USP54: variants seen among roughly 807,000 people sequenced by gnomAD.
USP54 encodes ubiquitin carboxyl-terminal hydrolase 54.
In USP54, 87 loss-of-function variants were observed where a neutral mutation model predicts 170.5. The observed-to-expected ratio is 0.51, with a 90% CI of 0.43 to 0.61. The LOEUF (loss-of-function observed/expected upper bound fraction) is 0.61, where lower values mean the gene tolerates loss of function less well. Ranked by LOEUF, USP54 falls within the 20% of genes least tolerant of loss-of-function variation. The pLI, the probability that USP54 is intolerant of heterozygous loss-of-function variation, is 0.00. For missense variants in USP54, 1,786 were observed against 2,047.8 expected (o/e 0.87, Z 2.47); for synonymous variants, 655 against 742.8 (o/e 0.88, Z 1.92).
chr10:73,557,548 C>T (rs1590361196), intron 4 of USP54, among the ~76,000 whole-genome samples: 1 of 149,510 alleles, frequency 6.7e-6, no homozygotes, highest in African/African-American at 2.5e-5. Context: ...TGCAGTGGCG[C>T]GATCTCAGCT....
intron 4 of USP54, among the ~76,000 whole-genome samples, 193 bp from the exon 5 acceptor site, chr10:73,545,865 T>C (rs979137957): frequency 1.3e-5 from 2 of 152,160 alleles, no homozygotes; most frequent in Non-Finnish European, 2.9e-5. Flanking sequence ...TCTGTGCTAA[T>C]AAAGATCCTC....
intron 5 of USP54, 150 bp from the exon 6 acceptor site, chr10:73,543,281 AT>A: frequency 1.6e-6 from 1 of 609,772 alleles, no homozygotes; most frequent in East Asian, 2.8e-5. Flanking sequence ...AAAATTATAA[AT>A]TCATAGCAAG....
At chr10:73,514,765 C>G (rs2060782431) in intron 20 of USP54, among the ~76,000 whole-genome samples, 1 of 152,042 alleles carries the variant, frequency 6.6e-6, no homozygotes, top group Admixed American at 6.6e-5. Flanking sequence ...TTAGGACAGG[C>G]ACGGTGGCTC....
At chr10:73,571,387 T>C (rs2075173045) in intron 4 of USP54, 34 bp downstream of exon 4, 1 of 1,582,168 alleles carries the variant, frequency 6.3e-7, no homozygotes, top group Non-Finnish European at 8.7e-7. Flanking sequence ...GGCCACCCAA[T>C]GGTAGTGAGA....
chr10:73,619,698 G>A lies in USP54; in HGVS notation c.-18+5869C>T, dbSNP rs775193081. On this transcript the variant is annotated intron_variant, in intron 1 of 22. Coordinates refer to the USP54 transcript ENST00000339859. ...TATTAAATGGCCCAGCAGTGCAACT[G>A]AAGACAAAAAAATTAAACAGTAATA... 3.3e-5 allele frequency among the ~76,000 whole-genome samples: 5 copies of A among 150,424 alleles called. 1 individual carries two copies. In the South Asian group the frequency reaches 1.0e-3, roughly 31 times the overall value.
At chr10:73,539,958 T>G (rs904538730) in intron 9 of USP54, among the ~76,000 whole-genome samples, 1 of 151,816 alleles carries the variant, frequency 6.6e-6, no homozygotes, top group East Asian at 1.9e-4. Flanking sequence ...AAACCCCATC[T>G]CTACTAAAAA....
intron 5 of USP54, among the ~76,000 whole-genome samples, chr10:73,544,734 G>C (rs2067379641): frequency 6.6e-6 from 1 of 150,972 alleles, no homozygotes; most frequent in South Asian, 2.1e-4. Flanking sequence ...TTTCTTTTGA[G>C]ACAGAGTCTC....
At chr10:73,611,488 AAAAT>A in intron 1 of USP54, 1 of 152,158 alleles carries the variant, frequency 6.6e-6, no homozygotes, top group Non-Finnish European at 1.5e-5. Context: ...AGATCTAGAA[AAAAT>A]AAATAAATAA....
chr10:73,614,474 C>A (rs2080440433), intron 1 of USP54, among the ~76,000 whole-genome samples: 1 of 146,794 alleles, frequency 6.8e-6, no homozygotes. Context: ...GGCAGAGAAT[C>A]GCTTGAACCC....
In USP54 at chr10:73,520,027, C is replaced by T. The variant is rs1184283286; in HGVS notation, c.2483-35G>A. 1.1e-5 allele frequency: 17 copies of T among 1,542,458 alleles called. No homozygotes were observed. In the Admixed American group the frequency reaches 1.4e-4, roughly 13 times the overall value. ...AAAAGAAAATATAGCAGAAACAGAACACAAAACACAAATAAAAATAAAAAG... is the reference window on the plus strand; with the variant it reads ...AAAAGAAAATATAGCAGAAACAGAATACAAAACACAAATAAAAATAAAAAG... On this transcript the variant is annotated intron_variant, in intron 18 of 23. Transcript: ENST00000687698.
At chr10:73,520,824 T>G (rs184596715) in intron 18 of USP54, 84 bp downstream of exon 18, 1 of 1,587,058 alleles carries the variant, frequency 6.3e-7, no homozygotes, top group Non-Finnish European at 8.6e-7. Flanking sequence ...AAACTGTTTT[T>G]ATCCTGTCTG....
upstream of USP54, among the ~76,000 whole-genome samples, chr10:73,594,553 T>C (rs2078567672): frequency 6.8e-6 from 1 of 146,770 alleles, no homozygotes; most frequent in African/African-American, 2.5e-5. Flanking sequence ...TACAGGTGTG[T>C]ACAACCAGAC....
At chr10:73,592,586 T>C (rs1269388623), upstream of USP54, among the ~76,000 whole-genome samples, 1 of 152,094 alleles carries the variant, frequency 6.6e-6, no homozygotes, top group African/African-American at 2.4e-5. Flanking sequence ...CATTTCAAAG[T>C]GTGAAACACA....
At chr10:73,557,325 ATT>A (rs772475380) in intron 4 of USP54, among the ~76,000 whole-genome samples, 4 of 145,344 alleles carry the variant, frequency 2.8e-5, no homozygotes, top group Non-Finnish European at 1.5e-5. Flanking sequence ...AACTTCTTCA[ATT>A]TTTTTTTTTT....
Position 73,534,604 on chromosome 10 carries a change from G to T in USP54, c.1311C>A (p.Asp437Glu), listed in dbSNP as rs1187929492. Reference protein sequence around the residue: ...ENDSMSQSSRDTGHLTDSECN... With the variant: ...ENDSMSQSSRETGHLTDSECN... ...ACCCTCTGTATAAGTCCCTACCTGT[G>T]TCCCGACTGCTCTGAGACATGGAAT... Residue 437 changes from aspartate to glutamate, a missense_variant, in exon 12 of 24, where the codon GAC becomes GAA. By Grantham distance (45) the Asp-to-Glu change is conservative. Coordinates refer to ENST00000687698, the MANE Select transcript of USP54 (RefSeq NM_001391956.1). The T allele has an allele frequency of 8.7e-6, 14 of 1,613,848 alleles. No homozygotes were observed. Among genetic ancestry groups the T allele is most frequent in the Non-Finnish European group, 1.2e-5 (14 of 1,179,830 alleles).
intron 4 of USP54, among the ~76,000 whole-genome samples, chr10:73,552,466 T>TACACACACAC (rs374761038): frequency 6.8e-6 from 1 of 146,560 alleles, no homozygotes; most frequent in Non-Finnish European, 1.5e-5. Flanking sequence ...ATTAAATGAG[T>TACACACACAC]ACACACACAC....
intron 20 of USP54, among the ~76,000 whole-genome samples, chr10:73,509,737 G>A (rs1018027956): frequency 1.3e-5 from 2 of 152,136 alleles, no homozygotes; most frequent in Admixed American, 6.5e-5. Flanking sequence ...GCTGGGCATC[G>A]TAGCTCATGC....
chr10:73,595,018 C>T (rs749332489), upstream of USP54, among the ~76,000 whole-genome samples: 6 of 151,512 alleles, frequency 4.0e-5, no homozygotes, highest in Non-Finnish European at 8.8e-5. Flanking sequence ...CTCTGCCTCC[C>T]GGGTTCAAGT....
At chr10:73,519,750 A>T in intron 19 of USP54, 47 bp downstream of exon 19, 1 of 1,610,726 alleles carries the variant, frequency 6.2e-7, no homozygotes, top group Non-Finnish European at 8.5e-7. Flanking sequence ...ACTCATGGTC[A>T]TTTCTTCCCC....
Sources: allele counts gnomAD v4.1 joint callset (sites outside exome capture counted in the v4.1 genomes callset), GRCh38; gene constraint gnomAD v4.1.1; transcripts MANE v1.5; gene names NCBI Gene and HGNC (gene_info 2026-07-23, HGNC 2026-07-21).